ANOS1: variants seen among roughly 807,000 people sequenced by gnomAD.
The protein encoded by ANOS1 is anosmin-1.
In ANOS1, 6 loss-of-function variants were observed where a neutral mutation model predicts 59.0. The observed-to-expected ratio is 0.10, with a 90% CI of 0.06 to 0.20. The LOEUF (loss-of-function observed/expected upper bound fraction) is 0.20. Ranked by LOEUF, ANOS1 falls within the 10% of genes least tolerant of loss-of-function variation. ANOS1 has a pLI of 1.00. For synonymous variants in ANOS1, 217 were observed against 223.4 expected, an observed-to-expected ratio of 0.97 and a Z score of 0.25; for missense variants, 433 against 542.3, an observed-to-expected ratio of 0.80 and a Z score of 2.00.
rs112768352 is a variant in ANOS1 at position 8,681,043 on chromosome X, A to C, written c.255+18655T>G. ...AGTAAACAAGCCTTATCTACCATAC[A>C]TTTCTAGGTCACTTTCCCACAATTT... On this transcript the variant is annotated intron_variant, in intron 2 of 13. Transcript: ENST00000262648. Among the ~76,000 whole-genome samples the C allele has an allele frequency of 4.9e-3, 547 of 111,559 alleles. 1 individual carries two copies. Among genetic ancestry groups the C allele is most frequent in the African/African-American group, 9.6e-3 (295 of 30,734 alleles).
chrX:8,681,197 A>C (rs997696453), intron 2 of ANOS1, among the ~76,000 whole-genome samples: 1 of 111,708 alleles, frequency 9.0e-6, no homozygotes, highest in African/African-American at 3.3e-5. Flanking sequence ...TTTTCTGTGA[A>C]GTCCCTGTGC....
At chrX:8,595,382 T>C (rs5978909) in intron 4 of ANOS1, among the ~76,000 whole-genome samples, 7,477 of 111,170 alleles carry the variant, frequency 0.067, 683 homozygotes, top group African/African-American at 0.23. Flanking sequence ...GAGAAAAGCA[T>C]TGATTATTTT....
intron 8 of ANOS1, among the ~76,000 whole-genome samples, chrX:8,566,422 T>C (rs1453822970): frequency 9.0e-6 from 1 of 111,481 alleles, no homozygotes; most frequent in Non-Finnish European, 1.9e-5. Context: ...CATGTGTATA[T>C]GTATGCATAT....
chrX:8,602,195 G>T (rs1018957880), intron 3 of ANOS1, among the ~76,000 whole-genome samples: 1 of 111,963 alleles, frequency 8.9e-6, no homozygotes, highest in Non-Finnish European at 1.9e-5. Flanking sequence ...TTATTTGTTT[G>T]AATATAAATT....
chrX:8,698,754 CAT>C (rs1480771130), intron 2 of ANOS1, among the ~76,000 whole-genome samples: 5 of 111,631 alleles, frequency 4.5e-5, no homozygotes, highest in East Asian at 2.8e-4. Context: ...AAGTAACACT[CAT>C]GTGTATTCAG....
intron 2 of ANOS1, among the ~76,000 whole-genome samples, chrX:8,645,921 G>T (rs1379333450): frequency 4.5e-5 from 5 of 111,898 alleles, no homozygotes; most frequent in African/African-American, 1.6e-4. Context: ...TGGGATTACA[G>T]GCGTGAGCCA....
chrX:8,667,697 G>A (rs1184383653), intron 2 of ANOS1, among the ~76,000 whole-genome samples: 2 of 111,219 alleles, frequency 1.8e-5, no homozygotes, highest in Admixed American at 1.9e-4. Context: ...AGCCGTATGG[G>A]GGTTGCTTCT....
intron 2 of ANOS1, among the ~76,000 whole-genome samples, chrX:8,643,144 TA>T (rs1931693718): frequency 9.0e-6 from 1 of 111,536 alleles, no homozygotes; most frequent in Non-Finnish European, 1.9e-5. Context: ...CTTGAAAAAT[TA>T]AAAACTTAGA....
intron 2 of ANOS1, among the ~76,000 whole-genome samples, chrX:8,627,035 T>C (rs1931408418): frequency 8.9e-6 from 1 of 111,841 alleles, no homozygotes; most frequent in African/African-American, 3.3e-5. Context: ...TTTAAAAGTA[T>C]GCTAAGACCT....
intron 3 of ANOS1, among the ~76,000 whole-genome samples, chrX:8,600,268 C>A (rs1930818574): frequency 8.9e-6 from 1 of 112,246 alleles, no homozygotes; most frequent in South Asian, 3.6e-4. Flanking sequence ...TGACAATAAT[C>A]TTTCTGATAT....
intron 2 of ANOS1, among the ~76,000 whole-genome samples, chrX:8,638,289 T>TG (rs1931604364): frequency 8.9e-6 from 1 of 112,420 alleles, no homozygotes; most frequent in Non-Finnish European, 1.9e-5. Context: ...ATGCAAAGAA[T>TG]GTAGCCATAA....
chrX:8,589,209 T>C (rs1474167912), intron 4 of ANOS1, among the ~76,000 whole-genome samples: 1 of 112,260 alleles, frequency 8.9e-6, no homozygotes, highest in African/African-American at 3.2e-5. Flanking sequence ...CATATTTATA[T>C]ATGGTCAAAA....
chrX:8,573,512 T>A (rs1930269317), intron 6 of ANOS1, among the ~76,000 whole-genome samples: 1 of 111,669 alleles, frequency 9.0e-6, no homozygotes, highest in Non-Finnish European at 1.9e-5. Flanking sequence ...TCTCTAGGGA[T>A]CTCATCAGGT....
At chrX:8,666,558 A>G (rs1932140848) in intron 2 of ANOS1, among the ~76,000 whole-genome samples, 2 of 111,972 alleles carry the variant, frequency 1.8e-5, no homozygotes, top group Non-Finnish European at 3.8e-5. Context: ...GTAACTTTCA[A>G]TGTGTTGAAG....
chrX:8,704,072 G>A (rs1932769330), intron 1 of ANOS1, among the ~76,000 whole-genome samples: 1 of 110,660 alleles, frequency 9.0e-6, no homozygotes, highest in South Asian at 3.9e-4. Context: ...AGATCTGATG[G>A]GTTTATAAAG....
intron 8 of ANOS1, among the ~76,000 whole-genome samples, chrX:8,563,803 T>A (rs1176271289): frequency 1.8e-5 from 2 of 111,677 alleles, no homozygotes; most frequent in African/African-American, 6.5e-5. Context: ...AGAAACAAAC[T>A]GAAGTGAACA....
chrX:8,698,284 T>C (rs1048737005), intron 2 of ANOS1, among the ~76,000 whole-genome samples: 4 of 112,333 alleles, frequency 3.6e-5, no homozygotes, highest in African/African-American at 9.7e-5. Context: ...AGTGTACAAA[T>C]TTCTTTCACT....
chrX:8,639,646 C>T (rs1931626677), intron 2 of ANOS1, among the ~76,000 whole-genome samples: 1 of 111,945 alleles, frequency 8.9e-6, no homozygotes, highest in East Asian at 2.8e-4. Context: ...AACTCATATC[C>T]AACTTACTCA....
At chrX:8,601,532 T>G (rs913114813) in intron 3 of ANOS1, among the ~76,000 whole-genome samples, 4 of 112,143 alleles carry the variant, frequency 3.6e-5, no homozygotes, top group Non-Finnish European at 7.5e-5. Context: ...AGAACAGTTA[T>G]GAAGCATGTG....
Sources: allele counts gnomAD v4.1 joint callset (sites outside exome capture counted in the v4.1 genomes callset), GRCh38; gene constraint gnomAD v4.1.1; transcripts MANE v1.5; gene names NCBI Gene and HGNC (gene_info 2026-07-23, HGNC 2026-07-21).